Variants in PLCB4 observed in about 807,000 individuals in gnomAD.
PLCB4 encodes phospholipase C beta 4, also known as 1-phosphatidylinositol 4,5-bisphosphate phosphodiesterase beta-4.
PLCB4 carries 77 observed loss-of-function variants against 178.8 expected under a neutral mutation model. The observed-to-expected ratio is 0.43, with a 90% CI of 0.36 to 0.52. PLCB4 has a LOEUF of 0.52. Ranked by LOEUF, PLCB4 falls within the 20% of genes least tolerant of loss-of-function variation. The pLI, the probability that PLCB4 is intolerant of heterozygous loss-of-function variation, is 0.00. For synonymous variants in PLCB4, 496 were observed against 490.8 expected, an observed-to-expected ratio of 1.01 and a Z score of -0.14; for missense variants, 1,024 against 1,453.4, an observed-to-expected ratio of 0.70 and a Z score of 4.80.
chr20:9,338,389 A>G (rs1233769318), intron 6 of PLCB4, among the ~76,000 whole-genome samples: 1 of 150,984 alleles, frequency 6.6e-6, no homozygotes, highest in African/African-American at 2.4e-5. Flanking sequence ...TCTAGTTTCT[A>G]AATCAAAAAT....
intron 2 of PLCB4, among the ~76,000 whole-genome samples, chr20:9,194,010 T>A (rs2327172): frequency 0.46 from 69,989 of 151,354 alleles, 16,704 homozygotes; most frequent in African/African-American, 0.6. Flanking sequence ...CTTTTTTTTT[T>A]AAAAAAAATT....
intron 3 of PLCB4, among the ~76,000 whole-genome samples, chr20:9,257,275 C>T (rs1455184905): frequency 6.6e-6 from 1 of 152,074 alleles, no homozygotes; most frequent in Non-Finnish European, 1.5e-5. Context: ...TTAATTGTGT[C>T]TTTTTGCTTT....
At chr20:9,462,677 A>T (rs1014331866) in intron 35 of PLCB4, among the ~76,000 whole-genome samples, 11 of 152,246 alleles carry the variant, frequency 7.2e-5, no homozygotes, top group Admixed American at 6.5e-4. Context: ...GTGATTGAAG[A>T]TCAAATTAAT....
intron 32 of PLCB4, among the ~76,000 whole-genome samples, chr20:9,449,966 G>T (rs2122232274): frequency 6.6e-6 from 1 of 152,260 alleles, no homozygotes; most frequent in South Asian, 2.1e-4. Context: ...CAATTTTTCA[G>T]CACCCTCTGT....
chr20:9,191,574 G>A lies in PLCB4; in HGVS notation c.-78-25816G>A, dbSNP rs1045938087. Reference sequence around the variant, plus strand: ...AATCATGAACAGACTAACACAATCAGTGGTTAGTTGGATTTTAAGTGAGTT... The same window carrying A: ...AATCATGAACAGACTAACACAATCAATGGTTAGTTGGATTTTAAGTGAGTT... On this transcript the variant is annotated intron_variant, in intron 2 of 39. Transcript: ENST00000378473. Among the ~76,000 whole-genome samples the A allele has an allele frequency of 3.9e-5, 6 of 152,036 alleles. 1 individual carries two copies. Among genetic ancestry groups the A allele is most frequent in the South Asian group, 4.1e-4 (2 of 4,826 alleles).
chr20:9,182,363 G>A (rs1313446629), intron 2 of PLCB4, among the ~76,000 whole-genome samples: 1 of 152,150 alleles, frequency 6.6e-6, no homozygotes, highest in Admixed American at 6.6e-5. Flanking sequence ...GGCTGTGCTG[G>A]AAGCTACCCA....
At chr20:9,416,157 CT>C (rs1404640820) in intron 25 of PLCB4, among the ~76,000 whole-genome samples, 2 of 152,194 alleles carry the variant, frequency 1.3e-5, no homozygotes, top group Admixed American at 1.3e-4. Flanking sequence ...CCCCTTTCCC[CT>C]GCCATTTCTC....
intron 2 of PLCB4, among the ~76,000 whole-genome samples, chr20:9,182,373 A>G (rs559081798): frequency 1.8e-4 from 27 of 152,162 alleles, no homozygotes; most frequent in Non-Finnish European, 3.4e-4. Flanking sequence ...GAAGCTACCC[A>G]TTATACCAGG....
intron 3 of PLCB4, among the ~76,000 whole-genome samples, chr20:9,301,237 G>A (rs1012455288): frequency 1.3e-5 from 2 of 151,816 alleles, no homozygotes; most frequent in African/African-American, 2.4e-5. Context: ...TAACATTCGC[G>A]AGTTGCAGCA....
chr20:9,328,424 G>T (rs969448322), intron 4 of PLCB4, among the ~76,000 whole-genome samples: 10 of 152,208 alleles, frequency 6.6e-5, no homozygotes, highest in Admixed American at 6.5e-4. Context: ...GAATGTTTCA[G>T]TAGTACAGTT....
chr20:9,478,312 C>A (rs2044688464), intron 39 of PLCB4, among the ~76,000 whole-genome samples: 1 of 151,984 alleles, frequency 6.6e-6, no homozygotes, highest in Non-Finnish European at 1.5e-5. Context: ...AAGTAAGAGC[C>A]CACAGGGATA....
chr20:9,401,403 G>T (rs556874399), intron 19 of PLCB4, 87 bp from the exon 20 acceptor site: 2 of 833,970 alleles, frequency 2.4e-6, no homozygotes, highest in Non-Finnish European at 2.0e-6. Context: ...CTCTAAAAGT[G>T]CTTATGTTCT....
At chr20:9,307,502 C>A (rs931943069) in intron 3 of PLCB4, among the ~76,000 whole-genome samples, 1 of 59,570 alleles carries the variant, frequency 1.7e-5, no homozygotes. Context: ...AATACACACA[C>A]ACACACACAC....
At chr20:9,313,385 G>A (rs1052896067) in intron 4 of PLCB4, among the ~76,000 whole-genome samples, 1 of 152,262 alleles carries the variant, frequency 6.6e-6, no homozygotes, top group East Asian at 1.9e-4. Flanking sequence ...AGAAACAGAG[G>A]AAAGTCCAGA....
intron 2 of PLCB4, among the ~76,000 whole-genome samples, chr20:9,157,883 G>C (rs1025583632): frequency 1.3e-5 from 2 of 152,188 alleles, no homozygotes; most frequent in Admixed American, 1.3e-4. Context: ...AGTGAGCTGT[G>C]ATCATGCCAT....
At chr20:9,075,818 G>A (rs1485512607) in intron 1 of PLCB4, among the ~76,000 whole-genome samples, 2 of 152,192 alleles carry the variant, frequency 1.3e-5, no homozygotes, top group East Asian at 3.8e-4. Context: ...AAAATGTTTG[G>A]AAATAATTAA....
chr20:9,217,873 A>C (rs2147274095), intron 3 of PLCB4, among the ~76,000 whole-genome samples: 1 of 152,312 alleles, frequency 6.6e-6, no homozygotes. Flanking sequence ...TATCAGCAAA[A>C]ATCCTCCATT....
intron 3 of PLCB4, among the ~76,000 whole-genome samples, chr20:9,249,388 G>A (rs2094156840): frequency 6.6e-6 from 1 of 152,102 alleles, no homozygotes; most frequent in Admixed American, 6.5e-5. Context: ...GGTCACTGTG[G>A]CCTCTAACTC....
At chr20:9,102,280 T>C (rs893593970) in intron 2 of PLCB4, among the ~76,000 whole-genome samples, 7 of 152,310 alleles carry the variant, frequency 4.6e-5, no homozygotes, top group Non-Finnish European at 7.3e-5. Context: ...TTAGAAAACA[T>C]TTCCCAGGCT....
Sources: allele counts gnomAD v4.1 joint callset (sites outside exome capture counted in the v4.1 genomes callset), GRCh38; gene constraint gnomAD v4.1.1; transcripts MANE v1.5; gene names NCBI Gene and HGNC (gene_info 2026-07-23, HGNC 2026-07-21).